LRRC72: variants seen among roughly 807,000 people sequenced by gnomAD.
LRRC72 encodes the protein leucine rich repeat containing 72.
In LRRC72, 41 loss-of-function variants were observed where a neutral mutation model predicts 35.8. The ratio of observed to expected loss-of-function variants is 1.15; its 90% CI spans 0.89 to 1.49. The LOEUF is 1.49. Ranked by LOEUF, LRRC72 falls within the 40% of genes most tolerant of loss-of-function variation. The pLI, the probability that LRRC72 is intolerant of heterozygous loss-of-function variation, is 0.00. For synonymous variants in LRRC72, 118 were observed against 119.2 expected (o/e 0.99, Z 0.07); for missense variants, 389 against 330.7 (o/e 1.18, Z -1.37).
At chr7:16,557,619 T>C (rs1454032499) in intron 4 of LRRC72, among the ~76,000 whole-genome samples, 178 bp downstream of exon 4, 4 of 152,320 alleles carry the variant, frequency 2.6e-5, no homozygotes, top group African/African-American at 9.6e-5. Flanking sequence ...TGCTATTAGA[T>C]TACTTTTCTA....
In LRRC72 at chr7:16,537,611, T is replaced by C; in HGVS notation, c.165-16T>C. On this transcript the variant is annotated splice_polypyrimidine_tract_variant and intron_variant, in intron 2 of 8. Transcript: ENST00000401542. The stretch of plus-strand genomic sequence containing the variant: ...ACTAATTGTTGCTAATGTTCACATT[T>C]TTTTTTTCTTTCCAGGGAACTGACA... 6.8e-7 allele frequency: 1 copy of C among 1,476,954 alleles called. No homozygotes were observed. Among genetic ancestry groups the C allele is most frequent in the Non-Finnish European group, 9.1e-7 (1 of 1,096,298 alleles). 91.5% of individuals were successfully genotyped at this position (1,476,954 alleles called of 1,614,324 possible). A position where few individuals can be genotyped will look rare whatever the true frequency, so the allele number is the denominator to read the frequency against.
intron 3 of LRRC72, among the ~76,000 whole-genome samples, chr7:16,540,428 T>C (rs1269335055): frequency 1.3e-5 from 2 of 152,238 alleles, no homozygotes; most frequent in East Asian, 1.9e-4. Context: ...GGGACTAGCC[T>C]TGTCTCAAAT....
intron 5 of LRRC72, among the ~76,000 whole-genome samples, chr7:16,565,406 T>A (rs1782812318): frequency 6.8e-6 from 1 of 146,258 alleles, no homozygotes; most frequent in African/African-American, 2.6e-5. Flanking sequence ...CGCTCCAGCC[T>A]GGCAACAAGA....
At chr7:16,560,705 C>T (rs1489436852) in intron 5 of LRRC72, among the ~76,000 whole-genome samples, 3 of 149,908 alleles carry the variant, frequency 2.0e-5, no homozygotes, top group Admixed American at 2.0e-4. Flanking sequence ...TTTAAGAAAA[C>T]GTTTCTCACC....
intron 3 of LRRC72, among the ~76,000 whole-genome samples, chr7:16,542,950 C>G (rs1449046859): frequency 6.6e-6 from 1 of 152,140 alleles, no homozygotes; most frequent in African/African-American, 2.4e-5. Context: ...CCGTGTAGTA[C>G]TGAAAGGATT....
chr7:16,547,323 G>C (rs1206971135), intron 3 of LRRC72, among the ~76,000 whole-genome samples: 1 of 152,108 alleles, frequency 6.6e-6, no homozygotes, highest in African/African-American at 2.4e-5. Context: ...GGGGCAGAGA[G>C]GAGTCCCAAG....
Position 16,561,968 on chromosome 7 carries a change from C to G in LRRC72, c.427+2969C>G, listed in dbSNP as rs1429311003. Among the ~76,000 whole-genome samples, 3 of 152,108 alleles carry G rather than the reference C, an allele frequency of 2.0e-5. No individual in the cohort carries two copies. The East Asian group carries it at 5.8e-4, about 29-fold the overall frequency. On this transcript the variant is annotated intron_variant, in intron 5 of 8. Transcript: ENST00000401542. ...TATAAAATTATAAAGTGTTATTATT[C>G]CACTTAAATTACAAGTTCTTCAGAG...
intron 3 of LRRC72, among the ~76,000 whole-genome samples, chr7:16,554,322 T>A (rs545750246): frequency 4.9e-4 from 74 of 152,346 alleles, no homozygotes; most frequent in Admixed American, 9.1e-4. Context: ...AGAGTGAGAC[T>A]CCATCTCAAA....
At chr7:16,558,682 T>A (rs1334894778) in intron 4 of LRRC72, among the ~76,000 whole-genome samples, 1 of 152,054 alleles carries the variant, frequency 6.6e-6, no homozygotes, top group Non-Finnish European at 1.5e-5. Context: ...CACATCACAA[T>A]TAATTATATG....
chr7:16,545,812 C>CA (rs1782434876), intron 3 of LRRC72, among the ~76,000 whole-genome samples: 1 of 151,788 alleles, frequency 6.6e-6, no homozygotes, highest in Non-Finnish European at 1.5e-5. Context: ...AAGATATGTA[C>CA]AATACATATC....
At chr7:16,579,754 C>T (rs1783108218) in intron 7 of LRRC72, among the ~76,000 whole-genome samples, 1 of 152,092 alleles carries the variant, frequency 6.6e-6, no homozygotes, top group South Asian at 2.1e-4. Flanking sequence ...GCCTCAATAT[C>T]TTAATTATAA....
intron 7 of LRRC72, among the ~76,000 whole-genome samples, chr7:16,572,995 C>T (rs1204330519): frequency 2.0e-5 from 3 of 152,138 alleles, no homozygotes; most frequent in African/African-American, 7.2e-5. Context: ...CACAAGCATT[C>T]CTATACACCA....
At chr7:16,562,970 A>G (rs984601763) in intron 5 of LRRC72, among the ~76,000 whole-genome samples, 2 of 152,176 alleles carry the variant, frequency 1.3e-5, no homozygotes, top group African/African-American at 4.8e-5. Flanking sequence ...ATTTTTAGTT[A>G]AAACAAGATG....
rs370487224 is a variant in LRRC72 at position 16,558,276 on chromosome 7, C to G, written c.317-613C>G. Among the ~76,000 whole-genome samples the G allele has an allele frequency of 3.9e-5, 6 of 152,142 alleles. No individual in the cohort carries two copies. In the East Asian group the frequency reaches 9.6e-4, roughly 24 times the overall value. On this transcript the variant is annotated intron_variant, in intron 4 of 8. Transcript: ENST00000401542. Reference sequence around the variant, plus strand: ...AACAAAAAGAAGAAAATAACCCCTCCAAAATCAATCAAACAAACAAAATCA... The same window carrying G: ...AACAAAAAGAAGAAAATAACCCCTCGAAAATCAATCAAACAAACAAAATCA...
At chr7:16,558,030 C>T (rs1023768431) in intron 4 of LRRC72, among the ~76,000 whole-genome samples, 11 of 152,122 alleles carry the variant, frequency 7.2e-5, no homozygotes, top group South Asian at 2.1e-4. Flanking sequence ...AACGAGGCTA[C>T]GACATGGCTA....
intron 3 of LRRC72, among the ~76,000 whole-genome samples, chr7:16,548,805 G>T (rs1374550212): frequency 3.3e-5 from 5 of 152,232 alleles, no homozygotes; most frequent in African/African-American, 9.6e-5. Flanking sequence ...TGGCCACAGA[G>T]GTTTCCAGCT....
At chr7:16,557,887 T>C (rs1049683719) in intron 4 of LRRC72, among the ~76,000 whole-genome samples, 2 of 152,196 alleles carry the variant, frequency 1.3e-5, no homozygotes, top group Non-Finnish European at 2.9e-5. Context: ...GCATGTGGCA[T>C]ACCATGATCA....
At chr7:16,537,091 TG>T (rs1006573493) in intron 2 of LRRC72, 1 of 152,128 alleles carries the variant, frequency 6.6e-6, no homozygotes, top group Admixed American at 6.6e-5. Flanking sequence ...TCAAGAGAAG[TG>T]GGTAATATTT....
intron 2 of LRRC72, among the ~76,000 whole-genome samples, chr7:16,535,655 C>T (rs1489906978): frequency 6.6e-6 from 1 of 152,114 alleles, no homozygotes; most frequent in Non-Finnish European, 1.5e-5. Flanking sequence ...GGCAGATACC[C>T]TCTTAACCAA....
Sources: gnomAD v4.1 joint callset for allele counts (sites outside exome capture counted in the v4.1 genomes callset) on GRCh38, gnomAD v4.1.1 for gene constraint, MANE v1.5 for transcripts, NCBI Gene and HGNC (gene_info 2026-07-23, HGNC 2026-07-21) for gene names.